SH3D19: variants seen among roughly 807,000 people sequenced by gnomAD.
The protein encoded by SH3D19 is SH3 domain-containing protein 19.
Under a neutral mutation model 112.1 loss-of-function variants are expected in SH3D19, and 58 were observed. That is an observed-to-expected ratio of 0.52 (90% CI 0.42 to 0.64). The LOEUF (loss-of-function observed/expected upper bound fraction) is 0.64. Among genes scored for constraint, SH3D19 ranks in the 30% least tolerant of loss-of-function variants. SH3D19 has a pLI of 0.00. For synonymous variants in SH3D19, 391 were observed against 448.5 expected (o/e 0.87, Z 1.62); for missense variants, 1,090 against 1,263.4 (o/e 0.86, Z 2.08).
intron 14 of SH3D19, among the ~76,000 whole-genome samples, chr4:151,136,909 G>C (rs1435563822): frequency 1.3e-5 from 2 of 152,088 alleles, no homozygotes; most frequent in African/African-American, 2.4e-5. Context: ...TGTTAGTCTT[G>C]TTTTCTAATA....
At chr4:151,250,651 A>G (rs1330865760) in intron 1 of SH3D19, among the ~76,000 whole-genome samples, 2 of 152,206 alleles carry the variant, frequency 1.3e-5, no homozygotes, top group African/African-American at 2.4e-5. Flanking sequence ...ATTGTAAAGA[A>G]AAAACCCAAC....
At chr4:151,307,768 T>C (rs538100492) in intron 1 of SH3D19, among the ~76,000 whole-genome samples, 2 of 152,312 alleles carry the variant, frequency 1.3e-5, no homozygotes, top group African/African-American at 2.4e-5. Context: ...GTTTTGCATA[T>C]TAGCATGCGT....
chr4:151,154,066 A>G (rs1263319441), intron 9 of SH3D19, among the ~76,000 whole-genome samples: 2 of 151,296 alleles, frequency 1.3e-5, no homozygotes, highest in Non-Finnish European at 1.5e-5. Context: ...GGTTTATGCA[A>G]TTCTCCTGCC....
At chr4:151,204,897 T>C (rs1405627688) in intron 2 of SH3D19, among the ~76,000 whole-genome samples, 1 of 151,410 alleles carries the variant, frequency 6.6e-6, no homozygotes, top group Non-Finnish European at 1.5e-5. Flanking sequence ...CTCGGCTCAC[T>C]GCAACCTCTG....
rs796224132 is a variant in SH3D19, at chr4:151,325,530, C to T, written c.-178G>A. On this transcript the variant is annotated 5_prime_UTR_variant, in exon 1 of 20. Coordinates refer to ENST00000604030, the MANE Select transcript of SH3D19 (RefSeq NM_001378122.1). Reference sequence around the variant, plus strand: ...CACCTCCGCGAACTCCACCTGCAGCCGGCCGGGCAGCGGCAGGGCGCGGGC... The same window carrying T: ...CACCTCCGCGAACTCCACCTGCAGCTGGCCGGGCAGCGGCAGGGCGCGGGC... The T allele has an allele frequency of 8.9e-5, 27 of 303,090 alleles. No homozygotes were observed. Among genetic ancestry groups the T allele is most frequent in the African/African-American group, 5.7e-4 (26 of 45,386 alleles). The allele number at this position is 303,090 out of a possible 1,614,324, so 18.8% of individuals were successfully genotyped here. A position where few individuals can be genotyped will look rare whatever the true frequency, so the allele number is the denominator to read the frequency against.
rs548573795 is a variant in SH3D19 at position 151,245,795 on chromosome 4, T to C, written c.113-19709A>G. ...TTTTATATTTTTAGTAGAGACGAGG[T>C]TTCACCATATTGGCCAGGCTGTCTC... On this transcript the variant is annotated intron_variant, in intron 1 of 19. Coordinates refer to ENST00000604030, the MANE Select transcript of SH3D19 (RefSeq NM_001378122.1). Among the ~76,000 whole-genome samples, 42 of 152,130 alleles carry C rather than the reference T, an allele frequency of 2.8e-4. No homozygotes were observed. The South Asian group carries it at 8.3e-3, about 30-fold the overall frequency.
chr4:151,184,164 G>C (rs72965696), intron 3 of SH3D19, among the ~76,000 whole-genome samples: 6,171 of 152,196 alleles, frequency 0.041, 375 homozygotes, highest in African/African-American at 0.14. Flanking sequence ...GCAAAGAAAA[G>C]GACCCCAAGG....
intron 2 of SH3D19, among the ~76,000 whole-genome samples, chr4:151,210,253 T>C (rs1003893875): frequency 1.3e-5 from 2 of 152,132 alleles, no homozygotes; most frequent in Non-Finnish European, 1.5e-5. Context: ...ACAGGATTAT[T>C]TACAATAGTA....
chr4:151,166,092 C>G (rs185848432), intron 7 of SH3D19: 3 of 166,488 alleles, frequency 1.8e-5, no homozygotes, highest in Non-Finnish European at 2.6e-5. Flanking sequence ...CTGTACACCC[C>G]CTGTGCCTGT....
chr4:151,258,600 T>G (rs904404835), intron 1 of SH3D19, among the ~76,000 whole-genome samples: 7 of 152,118 alleles, frequency 4.6e-5, no homozygotes, highest in African/African-American at 1.7e-4. Context: ...TTACCTCCCA[T>G]CACCCACCCT....
At chr4:151,168,787 A>T (rs1758546623) in intron 7 of SH3D19, among the ~76,000 whole-genome samples, 1 of 152,150 alleles carries the variant, frequency 6.6e-6, no homozygotes, top group Non-Finnish European at 1.5e-5. Context: ...GTTGGTTATT[A>T]GTTTAAAATT....
intron 3 of SH3D19, among the ~76,000 whole-genome samples, chr4:151,180,535 T>C (rs1050990383): frequency 6.7e-6 from 1 of 150,294 alleles, no homozygotes; most frequent in African/African-American, 2.4e-5. Flanking sequence ...TCTTCCAGAG[T>C]AGCTGGGACT....
intron 4 of SH3D19, among the ~76,000 whole-genome samples, chr4:151,177,469 C>T (rs1760128439): frequency 1.3e-5 from 2 of 152,182 alleles, no homozygotes; most frequent in African/African-American, 4.8e-5. Context: ...ACACCTCAGC[C>T]TCCCGAGCAG....
intron 1 of SH3D19, among the ~76,000 whole-genome samples, chr4:151,292,066 T>C (rs1358076115): frequency 6.6e-6 from 1 of 152,164 alleles, no homozygotes; most frequent in Non-Finnish European, 1.5e-5. Context: ...CCCAACACTT[T>C]GGGAGGCCAA....
chr4:151,301,337 C>G (rs1263664929), intron 1 of SH3D19, among the ~76,000 whole-genome samples: 1 of 152,262 alleles, frequency 6.6e-6, no homozygotes, highest in East Asian at 1.9e-4. Context: ...AAGCAATTCT[C>G]CTGCCTCAGC....
chr4:151,246,349 GT>G (rs1254335770), intron 1 of SH3D19, among the ~76,000 whole-genome samples: 1 of 152,100 alleles, frequency 6.6e-6, no homozygotes, highest in Admixed American at 6.5e-5. Flanking sequence ...ATCAAATTCT[GT>G]TTCTGGCTTA....
At chr4:151,212,422 C>T (rs1011882975) in intron 2 of SH3D19, among the ~76,000 whole-genome samples, 20 of 152,132 alleles carry the variant, frequency 1.3e-4, no homozygotes, top group African/African-American at 2.2e-4. Context: ...TGGGATTATA[C>T]GTGTGAGGGG....
chr4:151,321,335 C>T (rs944657616), intron 1 of SH3D19, among the ~76,000 whole-genome samples: 16 of 152,212 alleles, frequency 1.1e-4, no homozygotes, highest in African/African-American at 3.6e-4. Context: ...CTATTCCCCC[C>T]ACCCTCCACT....
rs752048913 is a variant in SH3D19 at position 151,165,603 on chromosome 4, G to A, written c.1628C>T (p.Ala543Val). 5.6e-6 allele frequency: 9 copies of A among 1,613,484 alleles called. No homozygotes were observed. In the East Asian group the frequency reaches 2.0e-4, roughly 36 times the overall value. ...GAAGTGCTTACATTTTCCTGGTTTG[G>A]CTGGAATTCGAATTACAGTGGGCTT... Reference protein sequence around the residue: ...TRKPTVIRIPAKPGKCLHEDP... With the variant: ...TRKPTVIRIPVKPGKCLHEDP... Residue 543 changes from alanine to valine, a missense_variant, in exon 8 of 20, where the codon GCC becomes GTC. By Grantham distance (64) the Ala-to-Val change is moderately conservative (BLOSUM62 0). Coordinates refer to ENST00000604030, the MANE Select transcript of SH3D19 (RefSeq NM_001378122.1).
Sources: allele counts gnomAD v4.1 joint callset (sites outside exome capture counted in the v4.1 genomes callset), GRCh38; gene constraint gnomAD v4.1.1; transcripts MANE v1.5; gene names NCBI Gene and HGNC (gene_info 2026-07-23, HGNC 2026-07-21).